OSMR: variants seen among roughly 807,000 people sequenced by gnomAD.
OSMR encodes oncostatin-M-specific receptor subunit beta.
In OSMR, 81 loss-of-function variants were observed where a neutral mutation model predicts 99.9. That is an observed-to-expected ratio of 0.81 (90% CI 0.68 to 0.97). The LOEUF is 0.97. Among genes scored for constraint, OSMR ranks in the 50% least tolerant of loss-of-function variants. The pLI, the probability that OSMR is intolerant of heterozygous loss-of-function variation, is 0.00. For missense variants in OSMR, 1,099 were observed against 1,153.4 expected (o/e 0.95, Z 0.68); for synonymous variants, 406 against 410.4 (o/e 0.99, Z 0.13).
At chr5:38,935,946 C>T (rs769728335), downstream of OSMR, among the ~76,000 whole-genome samples, 8 of 152,218 alleles carry the variant, frequency 5.3e-5, no homozygotes, top group Non-Finnish European at 7.3e-5. Flanking sequence ...TCACTATGAC[C>T]TGTAGTCTTG....
chr5:38,883,590 T>A, intron 4 of OSMR: 1 of 450,216 alleles, frequency 2.2e-6, no homozygotes, highest in Admixed American at 6.4e-5. Context: ...AATAGTAATG[T>A]GCTGTCTGTG....
chr5:38,942,820 T>C, intron 1 of OSMR: 1 of 1,566,364 alleles, frequency 6.4e-7, no homozygotes, highest in East Asian at 2.2e-5. Context: ...TGAGAAGTAC[T>C]AATCATACTT....
At chr5:38,882,617 G>T (rs879264974) in intron 4 of OSMR, among the ~76,000 whole-genome samples, 2 of 151,566 alleles carry the variant, frequency 1.3e-5, no homozygotes, top group African/African-American at 2.4e-5. Flanking sequence ...GACTCAAATT[G>T]TAGCTCCCCC....
chr5:38,866,388 G>A (rs1741946413), intron 1 of OSMR, among the ~76,000 whole-genome samples: 1 of 152,156 alleles, frequency 6.6e-6, no homozygotes, highest in South Asian at 2.1e-4. Context: ...TGGAGGTGGG[G>A]GGCAGGTTAG....
chr5:38,902,766 G>A (rs1744977107), intron 7 of OSMR, among the ~76,000 whole-genome samples: 1 of 152,178 alleles, frequency 6.6e-6, no homozygotes, highest in Non-Finnish European at 1.5e-5. Flanking sequence ...CCTGCATTGT[G>A]CATGCTGGTT....
intron 7 of OSMR, among the ~76,000 whole-genome samples, chr5:38,896,171 CT>C (rs1744507738): frequency 6.6e-6 from 1 of 151,886 alleles, no homozygotes; most frequent in Non-Finnish European, 1.5e-5. Context: ...ATTGTTTTTT[CT>C]ATTTTTGTAA....
At chr5:38,900,089 G>A (rs190345255) in intron 7 of OSMR, among the ~76,000 whole-genome samples, 5 of 152,308 alleles carry the variant, frequency 3.3e-5, no homozygotes, top group South Asian at 2.1e-4. Flanking sequence ...ACTGGGTTCC[G>A]ACTGCTGGGA....
chr5:38,944,312 T>G, exon 2 of OSMR: 1 of 875,492 alleles, frequency 1.1e-6, no homozygotes. Flanking sequence ...AAATCTAGCC[T>G]CACACAGGTA....
intron 7 of OSMR, among the ~76,000 whole-genome samples, chr5:38,888,531 T>A (rs1289136315): frequency 6.6e-6 from 1 of 152,200 alleles, no homozygotes; most frequent in African/African-American, 2.4e-5. Context: ...GGACCCCTTT[T>A]AACTCCTATA....
chr5:38,937,325 G>A (rs933847194), downstream of OSMR, among the ~76,000 whole-genome samples: 17 of 152,342 alleles, frequency 1.1e-4, no homozygotes, highest in Non-Finnish European at 2.2e-4. This position sits in a 1 kb window ranked among gnomAD's most constrained non-coding sequence, Gnocchi z 4.0. Context: ...GAGCCACCGC[G>A]CCCGGCCAAG....
intron 7 of OSMR, among the ~76,000 whole-genome samples, chr5:38,891,116 A>G (rs1214355319): frequency 6.6e-6 from 1 of 152,246 alleles, no homozygotes; most frequent in Non-Finnish European, 1.5e-5. Flanking sequence ...GAAGACATTG[A>G]AAAGCAAGCA....
chr5:38,920,396 T>G (rs357294), intron 11 of OSMR, among the ~76,000 whole-genome samples: 4,923 of 152,340 alleles, frequency 0.032, 157 homozygotes, highest in South Asian at 0.085. Flanking sequence ...TATTTTCAAT[T>G]TAAAGAAACA....
intron 9 of OSMR, among the ~76,000 whole-genome samples, chr5:38,908,162 C>T (rs978682697): frequency 2.6e-5 from 4 of 152,232 alleles, no homozygotes; most frequent in South Asian, 2.1e-4. Context: ...CCTGCCTTCC[C>T]AGTGCCACCA....
intron 14 of OSMR, 74 bp downstream of exon 14, chr5:38,924,669 G>A: frequency 7.9e-7 from 1 of 1,267,604 alleles, no homozygotes; most frequent in Non-Finnish European, 1.2e-6. Context: ...AATAATGGCT[G>A]CCATCTCAGA....
rs367904390 is a variant in OSMR, at chr5:38,863,493, C to T, written c.-13-5539C>T. On this transcript the variant is annotated intron_variant, in intron 1 of 17. Transcript: ENST00000274276. Reference sequence around the variant, plus strand: ...CAGAGGTTGCAGTGAGCTGAGATCGCGCCACTGCACTCCAGCCTGGTGACA... The same window carrying T: ...CAGAGGTTGCAGTGAGCTGAGATCGTGCCACTGCACTCCAGCCTGGTGACA... Among the ~76,000 whole-genome samples the T allele has an allele frequency of 3.4e-3, 511 of 152,100 alleles. 4 individuals are homozygous for T. Among genetic ancestry groups the T allele is most frequent in the African/African-American group, 0.011 (460 of 41,468 alleles).
At chr5:38,862,508 T>C (rs1490282037) in intron 1 of OSMR, among the ~76,000 whole-genome samples, 2 of 140,492 alleles carry the variant, frequency 1.4e-5, no homozygotes, top group African/African-American at 5.5e-5. Context: ...GCGGAGGGGC[T>C]CCTCACTTCT....
chr5:38,881,965 A>C (rs1401478442), intron 4 of OSMR, among the ~76,000 whole-genome samples: 2 of 152,314 alleles, frequency 1.3e-5, no homozygotes, highest in South Asian at 4.1e-4. Context: ...TCCTGAACTT[A>C]CTCATTGAGA....
Position 38,933,409 on chromosome 5 carries a change from A to G in OSMR, c.2905A>G (p.Ile969Val). ...PPTENSSLSS[I>V]TLLDPGEHYC ...GACCGAGAATAGCAGCCTCTCCTCA[A>G]TTACCCTTTTAGATCCAGGTGAACA... is the stretch of plus-strand genomic sequence containing the variant. Residue 969 changes from isoleucine to valine, a missense_variant, in exon 18 of 18, where the codon ATT becomes GTT. Ile to Val is a conservative substitution (Grantham distance 29, BLOSUM62 3). Coordinates refer to ENST00000274276, the MANE Select transcript of OSMR (RefSeq NM_003999.3). 2.5e-6 allele frequency: 4 copies of G among 1,614,038 alleles called. No individual in the cohort carries two copies. The highest frequency in any genetic ancestry group is 3.4e-6 in the Non-Finnish European group (4 of 1,179,956).
At chr5:38,896,148 T>A (rs569442549) in intron 7 of OSMR, among the ~76,000 whole-genome samples, 1 of 152,224 alleles carries the variant, frequency 6.6e-6, no homozygotes, top group East Asian at 1.9e-4. Flanking sequence ...TGTGGTTCCA[T>A]ATACATTTTA....
Sources: gnomAD v4.1 joint callset for allele counts (sites outside exome capture counted in the v4.1 genomes callset) on GRCh38, gnomAD v4.1.1 for gene constraint, Gnocchi (gnomAD v3.1) non-coding constraint, MANE v1.5 for transcripts, NCBI Gene and HGNC (gene_info 2026-07-23, HGNC 2026-07-21) for gene names.